The following FLRT1 variants were observed in gnomAD, a reference collection of about 807,000 sequenced individuals.
The protein encoded by FLRT1 is leucine-rich repeat transmembrane protein FLRT1.
FLRT1 carries 14 observed loss-of-function variants against 30.9 expected under a neutral mutation model. That is an observed-to-expected ratio of 0.45 (90% confidence interval 0.30 to 0.71). The LOEUF (loss-of-function observed/expected upper bound fraction) is 0.71, where lower values mean the gene tolerates loss of function less well. Ranked by LOEUF, FLRT1 falls within the 30% of genes least tolerant of loss-of-function variation. FLRT1 has a pLI of 0.08. For missense variants in FLRT1, 737 were observed against 949.2 expected (o/e 0.78, Z 2.94); for synonymous variants, 368 against 430.4 (o/e 0.85, Z 1.80).
At chr11:64,065,216 A>G (rs1943974889) in intron 1 of FLRT1, among the ~76,000 whole-genome samples, 1 of 152,204 alleles carries the variant, frequency 6.6e-6, no homozygotes, top group Admixed American at 6.5e-5. Context: ...AGAGAGGCCC[A>G]GAGATGAAGA....
intron 1 of FLRT1, among the ~76,000 whole-genome samples, chr11:64,043,915 G>T (rs1396319165): frequency 6.6e-6 from 1 of 151,750 alleles, no homozygotes; most frequent in Non-Finnish European, 1.5e-5. Flanking sequence ...ACAGGTTCAA[G>T]CTATTCTCCT....
At chr11:64,083,665 G>A (rs1305183490) in intron 1 of FLRT1, among the ~76,000 whole-genome samples, 1 of 152,220 alleles carries the variant, frequency 6.6e-6, no homozygotes, top group Non-Finnish European at 1.5e-5. Flanking sequence ...CCAACGCCGG[G>A]TCAGAGCTAG....
At chr11:64,077,581 G>A (rs1225797513) in intron 1 of FLRT1, among the ~76,000 whole-genome samples, 1 of 152,162 alleles carries the variant, frequency 6.6e-6, no homozygotes, top group Non-Finnish European at 1.5e-5. Flanking sequence ...GTGCACATGT[G>A]CACACATTCC....
chr11:64,107,673 G>C (rs1228263003), intron 2 of FLRT1, among the ~76,000 whole-genome samples: 1 of 152,248 alleles, frequency 6.6e-6, no homozygotes, highest in African/African-American at 2.4e-5. Flanking sequence ...AATGATACCA[G>C]TGGATGGGAT....
chr11:64,053,789 T>C (rs565118532), intron 1 of FLRT1, among the ~76,000 whole-genome samples: 289 of 152,242 alleles, frequency 1.9e-3, no homozygotes, highest in African/African-American at 6.9e-3. Flanking sequence ...TTGAGCCCTA[T>C]AGCGGCATCC....
At position 64,036,486 on chromosome 11, in the gene FLRT1, AC is replaced by A. The variant is rs528893346; in HGVS notation, c.-1038+333del. 6.6e-6 allele frequency among the ~76,000 whole-genome samples: 1 copy of A among 151,110 alleles called. No individual in the cohort carries two copies. The highest frequency in any genetic ancestry group is 1.5e-5 in the Non-Finnish European group (1 of 67,700). ...GAGCTCTAGTCCAAGCCCTCGCTGC[AC>A]CCCCCAGGGAGGGGGCCTGGCCCGT... On this transcript the variant is annotated intron_variant, in intron 1 of 2. Coordinates refer to ENST00000682287, the MANE Select transcript of FLRT1 (RefSeq NM_013280.5). The surrounding 1 kb of genome is among the most constrained non-coding windows in gnomAD (Gnocchi z 5.6).
At position 64,117,219 on chromosome 11, in the gene FLRT1, G is replaced by A. The variant is rs961463407; in HGVS notation, c.952G>A (p.Gly318Arg). ...GCCCCGCGGCCTGTTCGACGACCTG[G>A]GGAACCTGGCCCAGCTGCTGCTCAG... ...TLPRGLFDDLGNLAQLLLRNN... is the reference protein window; with the variant it reads ...TLPRGLFDDLRNLAQLLLRNN... Residue 318 changes from glycine (G) to arginine (R), a missense_variant, in exon 3 of 3, where the codon GGG becomes AGG. Transcript: ENST00000682287. The A allele has an allele frequency of 1.2e-6, 2 of 1,614,160 alleles. No individual in the cohort carries two copies. The highest frequency in any genetic ancestry group is 8.5e-7 in the Non-Finnish European group (1 of 1,180,016).
intron 2 of FLRT1, among the ~76,000 whole-genome samples, chr11:64,106,470 T>C (rs1362314577): frequency 1.3e-5 from 2 of 152,196 alleles, no homozygotes; most frequent in Non-Finnish European, 2.9e-5. Context: ...GTCCTAACTA[T>C]AGGAGTTTAC....
At chr11:64,045,726 T>C (rs1457642132) in intron 1 of FLRT1, among the ~76,000 whole-genome samples, 1 of 152,202 alleles carries the variant, frequency 6.6e-6, no homozygotes, top group Non-Finnish European at 1.5e-5. Context: ...ACTGTACCCC[T>C]GGATGCCAAA....
chr11:64,069,761 G>A (rs571078940), intron 1 of FLRT1, among the ~76,000 whole-genome samples: 6 of 152,188 alleles, frequency 3.9e-5, no homozygotes, highest in South Asian at 2.1e-4. Context: ...TAAATGCTTC[G>A]CCAGGAAACC....
intron 1 of FLRT1, among the ~76,000 whole-genome samples, chr11:64,101,524 C>T (rs1229818918): frequency 1.3e-5 from 2 of 152,204 alleles, no homozygotes; most frequent in Admixed American, 6.5e-5. Context: ...AGGCCCGCTG[C>T]CCCTGCCCCA....
intron 1 of FLRT1, among the ~76,000 whole-genome samples, chr11:64,041,175 G>C (rs1252699531): frequency 1.1e-5 from 1 of 90,318 alleles, no homozygotes; most frequent in Non-Finnish European, 1.9e-5. Context: ...GTTGGCACCA[G>C]ATTACAACAG....
chr11:64,084,422 C>A (rs572024853), intron 1 of FLRT1, among the ~76,000 whole-genome samples: 1 of 152,350 alleles, frequency 6.6e-6, no homozygotes, highest in East Asian at 1.9e-4. Context: ...TCCCGCGAAG[C>A]CCCCTCCCTG....
At chr11:64,097,695 C>G (rs1236188634) in intron 1 of FLRT1, among the ~76,000 whole-genome samples, 1 of 152,264 alleles carries the variant, frequency 6.6e-6, no homozygotes, top group Non-Finnish European at 1.5e-5. Flanking sequence ...TCTTCTCACC[C>G]TGCTACTCGG....
intron 2 of FLRT1, among the ~76,000 whole-genome samples, chr11:64,112,932 C>T (rs1360190628): frequency 6.6e-6 from 1 of 152,186 alleles, no homozygotes; most frequent in African/African-American, 2.4e-5. Context: ...CACGGCAGGG[C>T]CCATTCTGTC....
At chr11:64,038,355 A>C (rs537229685) in intron 1 of FLRT1, among the ~76,000 whole-genome samples, 8 of 152,270 alleles carry the variant, frequency 5.3e-5, no homozygotes, top group Admixed American at 1.3e-4. Flanking sequence ...TCCCACAGAG[A>C]GGATGTCTGG....
intron 1 of FLRT1, among the ~76,000 whole-genome samples, chr11:64,048,806 A>G (rs1943635151): frequency 6.6e-6 from 1 of 152,204 alleles, no homozygotes; most frequent in African/African-American, 2.4e-5. Context: ...TCTGAGCCCC[A>G]GGGGCTGCTA....
chr11:64,086,123 G>A (rs1944390059), intron 1 of FLRT1, among the ~76,000 whole-genome samples: 1 of 152,166 alleles, frequency 6.6e-6, no homozygotes. Flanking sequence ...CAGCACTGGT[G>A]GGGTGGGTGG....
At chr11:64,094,348 T>C (rs920984716) in intron 1 of FLRT1, among the ~76,000 whole-genome samples, 1 of 151,838 alleles carries the variant, frequency 6.6e-6, no homozygotes, top group Non-Finnish European at 1.5e-5. Flanking sequence ...AGATAATTGC[T>C]TGAACCCAGG....
Sources: gnomAD v4.1 joint callset for allele counts (sites outside exome capture counted in the v4.1 genomes callset) on GRCh38, gnomAD v4.1.1 for gene constraint, Gnocchi (gnomAD v3.1) non-coding constraint, MANE v1.5 for transcripts, NCBI Gene and HGNC (gene_info 2026-07-23, HGNC 2026-07-21) for gene names.